Variants in SLX4IP observed in about 807,000 individuals in gnomAD.
The protein encoded by SLX4IP is protein SLX4IP.
Under a neutral mutation model 32.9 loss-of-function variants are expected in SLX4IP, and 34 were observed. The ratio of observed to expected loss-of-function variants is 1.03; its 90% CI spans 0.79 to 1.38. The LOEUF (loss-of-function observed/expected upper bound fraction) is 1.38, where lower values mean the gene tolerates loss of function less well. Among genes scored for constraint, SLX4IP ranks in the 40% most tolerant of loss-of-function variants. The probability of loss-of-function intolerance (pLI) is 0.00; values close to 1 mark genes in which losing one functional copy is unlikely to be tolerated. For missense variants in SLX4IP, 444 were observed against 479.0 expected (o/e 0.93, Z 0.68); for synonymous variants, 172 against 171.7 (o/e 1.00, Z -0.01).
chr20:10,472,233 A>T (rs910893480), intron 2 of SLX4IP, among the ~76,000 whole-genome samples: 4 of 116,562 alleles, frequency 3.4e-5, no homozygotes, highest in African/African-American at 1.1e-4. Flanking sequence ...GTAATACTAT[A>T]CTTTTTTTTT....
At chr20:10,572,543 G>A (rs555392522) in intron 4 of SLX4IP, among the ~76,000 whole-genome samples, 34 of 152,126 alleles carry the variant, frequency 2.2e-4, no homozygotes, top group African/African-American at 8.2e-4. Context: ...TCTAAATAGG[G>A]TTCAGGACAT....
intron 2 of SLX4IP, among the ~76,000 whole-genome samples, chr20:10,461,022 C>A (rs1257780128): frequency 2.0e-5 from 3 of 152,194 alleles, no homozygotes; most frequent in African/African-American, 7.2e-5. Context: ...TGACCATTTT[C>A]TCTGCCTCTC....
chr20:10,502,984 A>G (rs1001183887), intron 2 of SLX4IP, among the ~76,000 whole-genome samples: 3 of 152,146 alleles, frequency 2.0e-5, no homozygotes, highest in Admixed American at 1.3e-4. Context: ...GGCTCATGTT[A>G]TCTTTCTTGC....
At chr20:10,447,312 C>T (rs2327282) in intron 1 of SLX4IP, among the ~76,000 whole-genome samples, 74,506 of 151,974 alleles carry the variant, frequency 0.49, 19,730 homozygotes, top group Non-Finnish European at 0.6. Context: ...TGCATTGTAG[C>T]AGTTTTGCAA....
chr20:10,451,754 G>C (rs1275263064), intron 1 of SLX4IP, among the ~76,000 whole-genome samples: 11 of 151,328 alleles, frequency 7.3e-5, no homozygotes, highest in African/African-American at 2.4e-4. Context: ...GAATCATGAG[G>C]TCAGGAGTTC....
At chr20:10,595,816 A>C (rs2066763697) in intron 4 of SLX4IP, among the ~76,000 whole-genome samples, 1 of 152,216 alleles carries the variant, frequency 6.6e-6, no homozygotes, top group Non-Finnish European at 1.5e-5. Context: ...CTTTAAACAA[A>C]GTTTCATATG....
At chr20:10,508,110 G>C (rs1280236962) in intron 2 of SLX4IP, among the ~76,000 whole-genome samples, 1 of 152,166 alleles carries the variant, frequency 6.6e-6, no homozygotes, top group Non-Finnish European at 1.5e-5. Context: ...GGGAAGGGGA[G>C]GTAGAGAAGA....
intron 2 of SLX4IP, among the ~76,000 whole-genome samples, chr20:10,489,318 A>C (rs2327283): frequency 6.6e-6 from 1 of 151,692 alleles, no homozygotes; most frequent in South Asian, 2.1e-4. Context: ...GGAAACCACC[A>C]CCCCCCTCTT....
intron 2 of SLX4IP, among the ~76,000 whole-genome samples, chr20:10,480,483 A>G (rs907947022): frequency 3.3e-5 from 5 of 152,214 alleles, no homozygotes; most frequent in Non-Finnish European, 5.9e-5. Flanking sequence ...ACTGTAGATT[A>G]TATCATATGT....
intron 2 of SLX4IP, among the ~76,000 whole-genome samples, chr20:10,555,737 A>G (rs1280195583): frequency 6.6e-6 from 1 of 152,084 alleles, no homozygotes; most frequent in Non-Finnish European, 1.5e-5. Flanking sequence ...CTTATTTCTC[A>G]TTCTTCCATG....
At chr20:10,519,323 A>AC (rs1478074787) in intron 2 of SLX4IP, among the ~76,000 whole-genome samples, 7 of 151,010 alleles carry the variant, frequency 4.6e-5, no homozygotes, top group East Asian at 1.9e-4. Context: ...CCATTTCATC[A>AC]CCCCCCCAAA....
chr20:10,455,506 CTTG>C (rs2065277376), intron 1 of SLX4IP, among the ~76,000 whole-genome samples: 1 of 151,968 alleles, frequency 6.6e-6, no homozygotes, highest in Non-Finnish European at 1.5e-5. Flanking sequence ...TCTTAGTACC[CTTG>C]TTGAAAATCA....
chr20:10,622,855 C>A lies in SLX4IP; in HGVS notation c.703C>A (p.Leu235Ile). ...AAAGGCAGCTGAGAGCCACTGGGGG[C>A]TTCCTGTTCAAAAGCTGGAAAAAGT... The part of the protein sequence containing the change: ...SIKAAESHWG[L>I]PVQKLEKVNQ... The change falls in exon 8 of 8, where the codon CTT becomes ATT. Residue 235 changes from leucine to isoleucine, a missense_variant. By Grantham distance (5) the Leu-to-Ile change is conservative (BLOSUM62 2). Transcript: ENST00000334534. The A allele has an allele frequency of 6.2e-7, 1 of 1,614,052 alleles. No individual in the cohort carries two copies. The highest frequency in any genetic ancestry group is 8.5e-7 in the Non-Finnish European group (1 of 1,180,000).
chr20:10,612,498 G>A (rs1336564006), intron 6 of SLX4IP, among the ~76,000 whole-genome samples: 2 of 152,194 alleles, frequency 1.3e-5, no homozygotes, highest in African/African-American at 2.4e-5. Flanking sequence ...ACTATGTTTT[G>A]TAATATTCTA....
At chr20:10,474,447 C>T (rs2065456256) in intron 2 of SLX4IP, among the ~76,000 whole-genome samples, 1 of 152,228 alleles carries the variant, frequency 6.6e-6, no homozygotes, top group South Asian at 2.1e-4. Flanking sequence ...AGGCCCCATA[C>T]AATGTCTGAA....
intron 2 of SLX4IP, among the ~76,000 whole-genome samples, chr20:10,551,837 C>T (rs2066220954): frequency 6.6e-6 from 1 of 152,184 alleles, no homozygotes; most frequent in African/African-American, 2.4e-5. Context: ...ACATGGGCCT[C>T]ATTAGAGCTT....
chr20:10,613,993 C>T, intron 6 of SLX4IP: 2 of 1,225,408 alleles, frequency 1.6e-6, no homozygotes, highest in East Asian at 2.3e-5. Context: ...TCGTACACTG[C>T]TCTCTGTTCT....
At chr20:10,512,622 T>TTATATATTATATATAGTA (rs2065816726) in intron 2 of SLX4IP, among the ~76,000 whole-genome samples, 1 of 143,454 alleles carries the variant, frequency 7.0e-6, no homozygotes, top group Non-Finnish European at 1.5e-5. Context: ...ATATATAGTA[T>TTATATATTATATATAGTA]TATATATTAT....
intron 6 of SLX4IP, among the ~76,000 whole-genome samples, chr20:10,602,945 T>A (rs542009758): frequency 1.4e-3 from 216 of 152,342 alleles, no homozygotes; most frequent in Non-Finnish European, 2.6e-3. Context: ...GTGGTTCATA[T>A]TTCCTCTTCT....
Sources: allele counts gnomAD v4.1 joint callset (sites outside exome capture counted in the v4.1 genomes callset), GRCh38; gene constraint gnomAD v4.1.1; transcripts MANE v1.5; gene names NCBI Gene and HGNC (gene_info 2026-07-23, HGNC 2026-07-21).